Variants in CSNK2A2IP observed in about 807,000 individuals in gnomAD.
CSNK2A2IP encodes the protein casein kinase II subunit alpha'-interacting protein.
the CSNK2A2IP span, among the ~76,000 whole-genome samples, chr3:88,350,985 A>C: frequency 0.44 from 66,606 of 151,962 alleles, 15,843 homozygotes; most frequent in South Asian, 0.62. Context: ...GCAAGATAGA[A>C]AATGTAATTT....
At chr3:88,403,902 G>A in the CSNK2A2IP span, among the ~76,000 whole-genome samples, 1 of 152,090 alleles carries the variant, frequency 6.6e-6, no homozygotes, top group Admixed American at 6.6e-5. Context: ...TGGTGAAAAG[G>A]GAGGGCTGCT....
chr3:88,426,512 C>T, the CSNK2A2IP span, among the ~76,000 whole-genome samples: 14 of 152,260 alleles, frequency 9.2e-5, no homozygotes, highest in Admixed American at 1.3e-4. Context: ...GCTCTGTGTT[C>T]GCACCCAAAT....
chr3:88,427,750 T>A, the CSNK2A2IP span, among the ~76,000 whole-genome samples: 44 of 152,250 alleles, frequency 2.9e-4, no homozygotes, highest in African/African-American at 1.0e-3. Context: ...AACCTCCGCC[T>A]AGATTTCAAA....
At chr3:88,370,332 C>T in the CSNK2A2IP span, among the ~76,000 whole-genome samples, 21 of 151,784 alleles carry the variant, frequency 1.4e-4, no homozygotes, top group Non-Finnish European at 2.5e-4. Flanking sequence ...GATAATTATC[C>T]TTGAATACAA....
the CSNK2A2IP span, among the ~76,000 whole-genome samples, chr3:88,347,606 A>G: frequency 6.6e-6 from 1 of 152,056 alleles, no homozygotes; most frequent in African/African-American, 2.4e-5. Flanking sequence ...ACATAATGCT[A>G]TTGCACAATT....
chr3:88,396,513 G>A, the CSNK2A2IP span, among the ~76,000 whole-genome samples: 1 of 152,198 alleles, frequency 6.6e-6, no homozygotes, highest in Non-Finnish European at 1.5e-5. Flanking sequence ...GCCGGAACAA[G>A]CATTGACTAG....
At chr3:88,365,629 T>C in the CSNK2A2IP span, among the ~76,000 whole-genome samples, 1 of 152,166 alleles carries the variant, frequency 6.6e-6, no homozygotes, top group Non-Finnish European at 1.5e-5. Context: ...CAAGAAAAGA[T>C]CCTTATATCA....
the CSNK2A2IP span, among the ~76,000 whole-genome samples, chr3:88,432,995 A>G: frequency 7.2e-5 from 11 of 151,966 alleles, no homozygotes; most frequent in African/African-American, 2.2e-4. Flanking sequence ...GTACAAACAA[A>G]TATCAGGCTG....
the CSNK2A2IP span, among the ~76,000 whole-genome samples, chr3:88,445,944 TTC>T: frequency 1.1e-3 from 155 of 136,816 alleles, 5 homozygotes; most frequent in African/African-American, 3.1e-3. Context: ...CTTTCTTTCT[TTC>T]TCTCTCTCTC....
chr3:88,376,702 C>A, the CSNK2A2IP span, among the ~76,000 whole-genome samples: 2 of 151,712 alleles, frequency 1.3e-5, no homozygotes, highest in Non-Finnish European at 3.0e-5. Context: ...ATCATAGTTT[C>A]CCTCATTCTT....
At chr3:88,461,098 CAAAG>C in the CSNK2A2IP span, among the ~76,000 whole-genome samples, 5 of 147,004 alleles carry the variant, frequency 3.4e-5, no homozygotes, top group African/African-American at 1.2e-4. Context: ...AAAAAAAAAA[CAAAG>C]AAACATTATT....
the CSNK2A2IP span, among the ~76,000 whole-genome samples, chr3:88,346,099 G>T: frequency 6.6e-6 from 1 of 151,994 alleles, no homozygotes; most frequent in Non-Finnish European, 1.5e-5. Flanking sequence ...ATTCCCTCAA[G>T]CCAAAGCCAA....
At chr3:88,357,293 AG>A in the CSNK2A2IP span, among the ~76,000 whole-genome samples, 5 of 152,084 alleles carry the variant, frequency 3.3e-5, no homozygotes, top group Non-Finnish European at 5.9e-5. Flanking sequence ...GACGTGAGAT[AG>A]GGGTTTAGTT....
chr3:88,438,598 G>A, the CSNK2A2IP span, among the ~76,000 whole-genome samples: 116,152 of 152,034 alleles, frequency 0.76, 45,339 homozygotes, highest in Non-Finnish European at 0.85. Context: ...AAGGAAGACC[G>A]CACAGAGAAG....
At chr3:88,407,292 CAA>C in the CSNK2A2IP span, among the ~76,000 whole-genome samples, 3,608 of 102,916 alleles carry the variant, frequency 0.035, 132 homozygotes, top group African/African-American at 0.11. Flanking sequence ...CAGAAAAGTC[CAA>C]AAAAAAAAAA....
At chr3:88,446,090 CTTTCTTTCTTTTTTTCTTTCTTTCTTTT>C in the CSNK2A2IP span, among the ~76,000 whole-genome samples, 1 of 83,878 alleles carries the variant, frequency 1.2e-5, no homozygotes. Flanking sequence ...TTCTTTCTTT[CTTTCTTTCTTTTTTTCTTTCTTTCTTTT>C]TTTTCTTTCT....
chr3:88,365,948 T>C, the CSNK2A2IP span, among the ~76,000 whole-genome samples: 2 of 152,176 alleles, frequency 1.3e-5, no homozygotes, highest in African/African-American at 2.4e-5. Context: ...AGGGGGTTAT[T>C]ATTTACTTAA....
the CSNK2A2IP span, among the ~76,000 whole-genome samples, chr3:88,346,584 C>A: frequency 1.3e-5 from 2 of 151,932 alleles, no homozygotes; most frequent in Non-Finnish European, 2.9e-5. Flanking sequence ...CAACAAAGAA[C>A]TGGATGACAG....
chr3:88,379,908 A>C, the CSNK2A2IP span, among the ~76,000 whole-genome samples: 1 of 152,148 alleles, frequency 6.6e-6, no homozygotes, highest in African/African-American at 2.4e-5. Context: ...GATATCAAAC[A>C]ACTTCCGCAG....
Sources: gnomAD v4.1 joint callset for allele counts (sites outside exome capture counted in the v4.1 genomes callset) on GRCh38, gnomAD v4.1.1 for gene constraint, MANE v1.5 for transcripts, NCBI Gene and HGNC (gene_info 2026-07-23, HGNC 2026-07-21) for gene names.